The following MALRD1 variants were observed in gnomAD, a reference collection of about 807,000 sequenced individuals.
MALRD1 encodes MAM and LDL-receptor class A domain-containing protein 1.
A neutral mutation model predicts 242.1 loss-of-function variants in MALRD1; 247 were observed. That is an observed-to-expected ratio of 1.02 (90% CI 0.92 to 1.13). The LOEUF is 1.13. Among genes scored for constraint, MALRD1 ranks in the 50% most tolerant of loss-of-function variants. The pLI is 0.00. For synonymous variants in MALRD1, 995 were observed against 866.6 expected (o/e 1.15, Z -2.60); for missense variants, 2,989 against 2,533.1 (o/e 1.18, Z -3.86).
intron 31 of MALRD1, among the ~76,000 whole-genome samples, chr10:19,513,423 CTCT>C (rs1392025814): frequency 6.8e-6 from 1 of 147,010 alleles, no homozygotes; most frequent in East Asian, 2.0e-4. Context: ...CCAAATAAAT[CTCT>C]TTTTTTTTTT....
At chr10:19,609,933 A>G (rs78672870) in intron 35 of MALRD1, among the ~76,000 whole-genome samples, 1,987 of 151,736 alleles carry the variant, frequency 0.013, 19 homozygotes, top group East Asian at 0.036. Context: ...ACTATACATA[A>G]TAAATATTGA....
intron 1 of MALRD1, among the ~76,000 whole-genome samples, chr10:19,050,631 A>G (rs1179404012): frequency 6.6e-6 from 1 of 152,188 alleles, no homozygotes; most frequent in Non-Finnish European, 1.5e-5. Context: ...CTCAGTAACC[A>G]TTCAATACCA....
At position 19,175,236 on chromosome 10, in the gene MALRD1, C is replaced by G; in HGVS notation, c.1859C>G (p.Ser620Ter). 1 of 1,230,106 alleles carries G rather than the reference C, an allele frequency of 8.1e-7. No homozygotes were observed. The highest frequency in any genetic ancestry group is 4.1e-5 in the South Asian group (1 of 24,296). The allele number at this position is 1,230,106 out of a possible 1,614,324, so 76.2% of individuals were successfully genotyped here. The change falls in exon 14 of 40, where the codon TCA becomes TGA. Residue 620 changes from serine (S) to a stop codon, truncating the protein, a stop_gained. Coordinates refer to ENST00000454679, the MANE Select transcript of MALRD1 (RefSeq NM_001142308.3). LOFTEE classifies it high-confidence loss of function. Reference protein sequence around the residue: ...QLILEATVLSSNATVALDDIS... With the variant: ...QLILEATVLS ...ATTTTGGAAGCTACTGTTTTGTCGT[C>G]AAATGCTACCGTTGCTCTAGATGAC... is the stretch of plus-strand genomic sequence containing the variant.
Position 19,692,534 on chromosome 10 carries a change from A to G in MALRD1, c.6294A>G (p.Ala2098=). The G allele has an allele frequency of 6.5e-7, 1 of 1,535,632 alleles. No homozygotes were observed. The highest frequency in any genetic ancestry group is 8.7e-7 in the Non-Finnish European group (1 of 1,146,376). Residue 2098 remains alanine (A), a synonymous_variant, in exon 38 of 40, where the codon GCA becomes GCG. Transcript: ENST00000454679. ...HITVAVLCFL[A]NRKVPIRKTE... ...CAGTTGCAGTCTTGTGTTTTCTTGC[A>G]AACAGAAAGGTACCAATAAGGTAAG...
chr10:19,536,525 A>G (rs1001235774), intron 32 of MALRD1, among the ~76,000 whole-genome samples: 5 of 151,946 alleles, frequency 3.3e-5, no homozygotes, highest in Admixed American at 6.6e-5. Flanking sequence ...CTGATTTCTC[A>G]TCTCTTTCGT....
At chr10:19,636,329 G>A (rs1840123440) in intron 36 of MALRD1, among the ~76,000 whole-genome samples, 1 of 151,996 alleles carries the variant, frequency 6.6e-6, no homozygotes, top group Non-Finnish European at 1.5e-5. Flanking sequence ...TTCCAATAAA[G>A]CAAATAATTC....
At chr10:19,262,514 G>A (rs1839793716) in intron 19 of MALRD1, among the ~76,000 whole-genome samples, 1 of 151,958 alleles carries the variant, frequency 6.6e-6, no homozygotes, top group Non-Finnish European at 1.5e-5. Context: ...AAGTTAGCTG[G>A]GCATGGTGGC....
intron 2 of MALRD1, among the ~76,000 whole-genome samples, chr10:19,085,310 T>C (rs1835631985): frequency 6.6e-6 from 1 of 151,906 alleles, no homozygotes; most frequent in South Asian, 2.1e-4. Context: ...TTCTATGAAG[T>C]GACATTTTTC....
chr10:19,569,065 G>T (rs1182407874), intron 33 of MALRD1, among the ~76,000 whole-genome samples: 1 of 151,826 alleles, frequency 6.6e-6, no homozygotes, highest in South Asian at 2.1e-4. Context: ...ATCTATTATT[G>T]TAAATATATT....
At chr10:19,110,732 T>C (rs954016096) in intron 5 of MALRD1, among the ~76,000 whole-genome samples, 1 of 152,180 alleles carries the variant, frequency 6.6e-6, no homozygotes, top group African/African-American at 2.4e-5. Flanking sequence ...ATGAGACATC[T>C]GGTTCTTGAC....
intron 15 of MALRD1, 68 bp downstream of exon 15, chr10:19,203,948 G>A: frequency 6.6e-7 from 1 of 1,519,812 alleles, no homozygotes; most frequent in East Asian, 2.5e-5. Flanking sequence ...GAAGAGAAAG[G>A]AAAGCTAGTA....
intron 38 of MALRD1, among the ~76,000 whole-genome samples, chr10:19,694,308 A>G (rs1833260203): frequency 6.6e-6 from 1 of 152,182 alleles, no homozygotes; most frequent in African/African-American, 2.4e-5. Flanking sequence ...AATGGGAGAA[A>G]ATTTTTGCAA....
chr10:19,665,246 A>G (rs1299840613), intron 36 of MALRD1, among the ~76,000 whole-genome samples: 3 of 152,126 alleles, frequency 2.0e-5, no homozygotes, highest in African/African-American at 7.2e-5. Flanking sequence ...ACAAGACAAA[A>G]CAAAACAAAC....
chr10:19,602,754 C>T (rs1838420753), intron 34 of MALRD1, among the ~76,000 whole-genome samples: 1 of 152,074 alleles, frequency 6.6e-6, no homozygotes, highest in African/African-American at 2.4e-5. Context: ...TGTTCTAGAT[C>T]CTTGAGGAAT....
At chr10:19,084,683 G>A (rs1396261551) in intron 2 of MALRD1, among the ~76,000 whole-genome samples, 2 of 151,740 alleles carry the variant, frequency 1.3e-5, no homozygotes, top group African/African-American at 4.8e-5. Flanking sequence ...CAAAGTTATT[G>A]GATTTAGCTC....
chr10:19,674,370 G>A (rs1345662488), intron 36 of MALRD1, among the ~76,000 whole-genome samples: 9 of 152,096 alleles, frequency 5.9e-5, no homozygotes, highest in Admixed American at 3.3e-4. Context: ...CCATCTGATG[G>A]AAAGCCATTG....
At chr10:19,152,639 T>C (rs1470846222) in intron 11 of MALRD1, among the ~76,000 whole-genome samples, 1 of 152,162 alleles carries the variant, frequency 6.6e-6, no homozygotes, top group Non-Finnish European at 1.5e-5. Flanking sequence ...AACTTACTGC[T>C]AAGATAAGAT....
chr10:19,324,502 A>G (rs16918492), intron 22 of MALRD1, among the ~76,000 whole-genome samples: 12,699 of 152,062 alleles, frequency 0.084, 980 homozygotes, highest in African/African-American at 0.21. Context: ...GTCTTTTTCA[A>G]AATGTTTCTC....
At chr10:19,674,590 A>G (rs1842059258) in intron 36 of MALRD1, among the ~76,000 whole-genome samples, 1 of 152,182 alleles carries the variant, frequency 6.6e-6, no homozygotes, top group Non-Finnish European at 1.5e-5. Flanking sequence ...GCTTTTATGT[A>G]TATTTCAAGT....
Sources: gnomAD v4.1 joint callset for allele counts (sites outside exome capture counted in the v4.1 genomes callset) on GRCh38, gnomAD v4.1.1 for gene constraint, MANE v1.5 for transcripts, NCBI Gene and HGNC (gene_info 2026-07-23, HGNC 2026-07-21) for gene names.